Variants in NCOA3 observed in about 807,000 individuals in gnomAD.
NCOA3 encodes CBP-interacting protein.
NCOA3 carries 51 observed loss-of-function variants against 158.8 expected under a neutral mutation model. The ratio of observed to expected loss-of-function variants is 0.32; its 90% CI spans 0.26 to 0.41. The LOEUF is 0.41. Among genes scored for constraint, NCOA3 ranks in the 10% least tolerant of loss-of-function variants. NCOA3 has a pLI of 1.00. For missense variants in NCOA3, 1,510 were observed against 1,746.6 expected, an observed-to-expected ratio of 0.86 and a Z score of 2.41; for synonymous variants, 537 against 592.4, an observed-to-expected ratio of 0.91 and a Z score of 1.36.
chr20:47,568,255 C>G (rs574012394), intron 1 of NCOA3, among the ~76,000 whole-genome samples: 1 of 152,166 alleles, frequency 6.6e-6, no homozygotes, highest in Non-Finnish European at 1.5e-5. Flanking sequence ...TTCCGTTGTG[C>G]CAGACCGTGG....
intron 18 of NCOA3, among the ~76,000 whole-genome samples, chr20:47,648,380 A>C (rs1290701363): frequency 6.6e-6 from 1 of 152,314 alleles, no homozygotes; most frequent in East Asian, 1.9e-4. Flanking sequence ...CCTCTGATCA[A>C]CTTAAAGGTA....
At chr20:47,579,134 A>G (rs2146214388) in intron 1 of NCOA3, among the ~76,000 whole-genome samples, 1 of 152,216 alleles carries the variant, frequency 6.6e-6, no homozygotes, top group South Asian at 2.1e-4. Flanking sequence ...CTGGTGATGA[A>G]GGCTTAAAAT....
At chr20:47,583,085 C>T (rs945981432) in intron 1 of NCOA3, 98 bp from the exon 2 acceptor site, 5 of 396,074 alleles carry the variant, frequency 1.3e-5, no homozygotes, top group Admixed American at 4.4e-5. Context: ...TGAGCCACCA[C>T]GCCCGGCTGG....
intron 10 of NCOA3, among the ~76,000 whole-genome samples, chr20:47,634,920 C>CTTTTTT (rs66801245): frequency 2.5e-5 from 3 of 120,132 alleles, no homozygotes; most frequent in South Asian, 2.8e-4. Flanking sequence ...TTCTCTTCTT[C>CTTTTTT]TTTTTTTTTT....
intron 1 of NCOA3, among the ~76,000 whole-genome samples, chr20:47,555,643 T>G (rs950345150): frequency 6.9e-6 from 1 of 144,390 alleles, no homozygotes; most frequent in Non-Finnish European, 1.5e-5. Context: ...TTTTTTTTTT[T>G]TTTTTTTTTT....
chr20:47,592,883 C>T lies in NCOA3; in HGVS notation c.-20+9622C>T, dbSNP rs140714293. ...ACTAATCTTTTTAGATGACATTCCTCCAGCAGTGAAAGTATGTCTGTGGTT... is the reference window on the plus strand; with the variant it reads ...ACTAATCTTTTTAGATGACATTCCTTCAGCAGTGAAAGTATGTCTGTGGTT... On this transcript the variant is annotated intron_variant, in intron 2 of 22. Transcript: ENST00000371998. Among the ~76,000 whole-genome samples the T allele has an allele frequency of 2.3e-3, 349 of 152,302 alleles. 3 individuals carry two copies. The highest frequency in any genetic ancestry group is 0.017 in the South Asian group (81 of 4,826).
At chr20:47,530,875 A>T (rs1212595) in intron 1 of NCOA3, among the ~76,000 whole-genome samples, 23,532 of 152,200 alleles carry the variant, frequency 0.15, 2,862 homozygotes, top group African/African-American at 0.33. Flanking sequence ...AAGGCAAACA[A>T]GGTGTTATTA....
At chr20:47,566,657 A>T in intron 1 of NCOA3, among the ~76,000 whole-genome samples, 1 of 152,028 alleles carries the variant, frequency 6.6e-6, no homozygotes, top group Non-Finnish European at 1.5e-5. Flanking sequence ...GACCACAGGC[A>T]CGTGCTACCA....
At chr20:47,615,116 G>A (rs1033796942) in intron 2 of NCOA3, among the ~76,000 whole-genome samples, 1 of 152,162 alleles carries the variant, frequency 6.6e-6, no homozygotes, top group South Asian at 2.1e-4. Context: ...TGGAAAGTTA[G>A]CCATTTCCTT....
chr20:47,605,428 AT>A (rs1468577875), intron 2 of NCOA3, among the ~76,000 whole-genome samples: 4 of 151,810 alleles, frequency 2.6e-5, no homozygotes, highest in East Asian at 1.9e-4. Flanking sequence ...ACATATATAT[AT>A]TATTATTATG....
chr20:47,502,817 G>T (rs1261598150), intron 1 of NCOA3, among the ~76,000 whole-genome samples: 1 of 151,316 alleles, frequency 6.6e-6, no homozygotes, highest in Non-Finnish European at 1.5e-5. Context: ...GCCATGGGTC[G>T]TTGGGAGACT....
intron 1 of NCOA3, among the ~76,000 whole-genome samples, chr20:47,567,191 G>C (rs1053302557): frequency 6.6e-5 from 10 of 151,718 alleles, no homozygotes; most frequent in African/African-American, 2.4e-4. Flanking sequence ...GGGACTACAG[G>C]TGTGCACCAC....
chr20:47,630,552 T>A (rs1438868151), intron 8 of NCOA3: 1 of 142,556 alleles, frequency 7.0e-6, no homozygotes, highest in Non-Finnish European at 1.5e-5. Context: ...AACCTCTGCC[T>A]CCCGGGTTCA....
rs752579131 is a variant in NCOA3, at chr20:47,625,396, A to G, written c.272A>G (p.Asn91Ser). 3.1e-6 allele frequency: 5 copies of G among 1,611,752 alleles called. No individual in the cohort carries two copies. Among genetic ancestry groups the G allele is most frequent in the South Asian group, 1.1e-5 (1 of 91,020 alleles). Residue 91 changes from asparagine (N) to serine (S), a missense_variant, in exon 5 of 23, where the codon AAT becomes AGT. By Grantham distance (46) the Asn-to-Ser change is conservative. This residue lies in a region of NCOA3 where 309 missense variants were observed against 427.1 expected (regional missense o/e 0.72). Transcript: ENST00000371998. ...QIKEQGKTIS[N>S]DDDVQKADVS... is the part of the protein sequence containing the mutation. ...GTCTTTTCAGGAAAAACTATTTCCAATGATGATGATGTTCAAAAAGCCGAT... is the reference window on the plus strand; with the variant it reads ...GTCTTTTCAGGAAAAACTATTTCCAGTGATGATGATGTTCAAAAAGCCGAT...
At chr20:47,594,826 T>C (rs2085724708) in intron 2 of NCOA3, among the ~76,000 whole-genome samples, 1 of 143,632 alleles carries the variant, frequency 7.0e-6, no homozygotes, top group Non-Finnish European at 1.5e-5. Flanking sequence ...AGTTTTGCTG[T>C]TGCCGCCCAG....
rs1471363299 is a variant in NCOA3 at position 47,627,684 on chromosome 20, A to G, written c.656A>G (p.Gln219Arg). ...EDINASPEMR[Q>R]RYETMQCFAL... ...ATAAACGCCAGTCCTGAAATGCGCC[A>G]GAGATATGAAACAATGCAGTGCTTT... is the stretch of plus-strand genomic sequence containing the variant. The change falls in exon 7 of 23, where the codon CAG (glutamine) becomes CGG (arginine). Residue 219 changes from glutamine to arginine, a missense_variant. By Grantham distance (43) the Gln-to-Arg change is conservative. Coordinates refer to ENST00000371998, the MANE Select transcript of NCOA3 (RefSeq NM_181659.3). 4.3e-6 allele frequency: 7 copies of G among 1,614,100 alleles called. No individual in the cohort carries two copies. The highest frequency in any genetic ancestry group is 2.7e-5 in the African/African-American group (2 of 74,950).
rs1430176834 is a variant in NCOA3, at chr20:47,580,076, A to G, written c.-98-3107A>G. ...CATCTGGGCATGCTGACTTTACATGATCTTCCACCTGGGGGTCCAGCAGTT... is the reference window on the plus strand; with the variant it reads ...CATCTGGGCATGCTGACTTTACATGGTCTTCCACCTGGGGGTCCAGCAGTT... On this transcript the variant is annotated intron_variant, in intron 1 of 22. Coordinates refer to ENST00000371998, the MANE Select transcript of NCOA3 (RefSeq NM_181659.3). Among the ~76,000 whole-genome samples the G allele has an allele frequency of 2.6e-5, 4 of 152,090 alleles. 1 individual carries two copies. The highest frequency in any genetic ancestry group is 5.9e-5 in the Non-Finnish European group (4 of 68,024).
Position 47,647,194 on chromosome 20 carries a change from G to A in NCOA3, c.3374G>A (p.Gly1125Asp), listed in dbSNP as rs144254604. The change falls in exon 18 of 23, where the codon GGC becomes GAC. Residue 1125 changes from glycine (G) to aspartate (D), a missense_variant. Transcript: ENST00000371998. ...YPAQGPPMQG[G>D]FHLQGQSPSF... ...GCACAGGGGCCTCCAATGCAAGGAGGCTTTCATCTTCAGGGACAATCACCA... is the reference window on the plus strand; with the variant it reads ...GCACAGGGGCCTCCAATGCAAGGAGACTTTCATCTTCAGGGACAATCACCA... 1,195 of 1,614,132 alleles carry A rather than the reference G, an allele frequency of 7.4e-4. 1 individual carries two copies. Among genetic ancestry groups the A allele is most frequent in the Non-Finnish European group, 9.6e-4 (1,134 of 1,180,020 alleles).
chr20:47,635,738 AT>A (rs749284158), intron 11 of NCOA3, 25 bp downstream of exon 11: 8 of 1,574,108 alleles, frequency 5.1e-6, no homozygotes, highest in South Asian at 1.2e-5. Context: ...ATTTCCTTTT[AT>A]TTTTTTTCTT....
Sources: allele counts gnomAD v4.1 joint callset (sites outside exome capture counted in the v4.1 genomes callset), GRCh38; gene constraint gnomAD v4.1.1; regional missense constraint gnomAD v4.1.1; transcripts MANE v1.5; gene names NCBI Gene and HGNC (gene_info 2026-07-23, HGNC 2026-07-21).